LINGO2: variants seen among roughly 807,000 people sequenced by gnomAD.
LINGO2 encodes the protein leucine rich repeat and Ig domain containing 2, also known as leucine-rich repeat and immunoglobulin-like domain-containing nogo receptor-interacting protein 2.
A neutral mutation model predicts 30.6 loss-of-function variants in LINGO2; 14 were observed. The ratio of observed to expected loss-of-function variants is 0.46; its 90% CI spans 0.30 to 0.72. LINGO2 has a LOEUF of 0.72. Among genes scored for constraint, LINGO2 ranks in the 30% least tolerant of loss-of-function variants. The probability of loss-of-function intolerance (pLI) is 0.07; values close to 1 mark genes in which losing one functional copy is unlikely to be tolerated. For missense variants in LINGO2, 729 were observed against 751.7 expected, an observed-to-expected ratio of 0.97 and a Z score of 0.35; for synonymous variants, 317 against 288.5, an observed-to-expected ratio of 1.10 and a Z score of -1.00.
intron 2 of LINGO2, among the ~76,000 whole-genome samples, chr9:28,465,123 G>A (rs975424734): frequency 1.3e-5 from 2 of 152,294 alleles, no homozygotes; most frequent in East Asian, 3.9e-4. Context: ...GCTGTCTGTG[G>A]ATGGCTTAAG....
At chr9:28,786,274 T>A in the LINGO2 span, among the ~76,000 whole-genome samples, 6 of 152,286 alleles carry the variant, frequency 3.9e-5, no homozygotes, top group East Asian at 1.2e-3. Context: ...ACCTCCTTAA[T>A]TGCATTTTAG....
the LINGO2 span, among the ~76,000 whole-genome samples, chr9:29,072,611 T>TTATATATATATATATATATATATATATA: frequency 1.8e-3 from 257 of 140,222 alleles, 8 homozygotes; most frequent in East Asian, 7.0e-3. Flanking sequence ...TGTCTCTCTT[T>TTATATATATATATATATATATATATATA]GATATATATA....
intron 5 of LINGO2, among the ~76,000 whole-genome samples, chr9:27,990,438 A>G (rs1821336386): frequency 6.7e-6 from 1 of 148,378 alleles, no homozygotes; most frequent in South Asian, 2.2e-4. Context: ...TATCTGCAAA[A>G]AGCATCACTT....
At chr9:28,502,035 G>A (rs1819907961) in intron 1 of LINGO2, among the ~76,000 whole-genome samples, 1 of 151,478 alleles carries the variant, frequency 6.6e-6, no homozygotes, top group African/African-American at 2.4e-5. Flanking sequence ...AAGGGAGGAG[G>A]AAGTAATGGA....
intron 5 of LINGO2, among the ~76,000 whole-genome samples, chr9:27,972,212 T>C (rs1383394492): frequency 6.6e-6 from 1 of 152,216 alleles, no homozygotes; most frequent in Non-Finnish European, 1.5e-5. Flanking sequence ...TGAGGGCATC[T>C]AAGGATTTAT....
At chr9:29,135,040 A>G in the LINGO2 span, among the ~76,000 whole-genome samples, 1 of 152,152 alleles carries the variant, frequency 6.6e-6, no homozygotes, top group South Asian at 2.1e-4. Flanking sequence ...TTTTAAAACT[A>G]TACATGAAAG....
At chr9:28,012,705 T>G (rs1240674529) in intron 4 of LINGO2, among the ~76,000 whole-genome samples, 3 of 152,054 alleles carry the variant, frequency 2.0e-5, no homozygotes, top group African/African-American at 7.2e-5. Flanking sequence ...TCAGTTGGGG[T>G]TTGTAGCTTT....
intron 5 of LINGO2, among the ~76,000 whole-genome samples, chr9:27,964,152 A>G (rs1012707036): frequency 3.9e-5 from 6 of 152,244 alleles, no homozygotes; most frequent in Admixed American, 2.0e-4. Context: ...GAAACTTTCA[A>G]TATTGAGGTT....
chr9:29,174,281 T>C, the LINGO2 span, among the ~76,000 whole-genome samples: 574 of 152,326 alleles, frequency 3.8e-3, 3 homozygotes, highest in African/African-American at 0.013. Flanking sequence ...TCTCATCGTT[T>C]ATACTCCCTA....
exon 6 of LINGO2, chr9:27,949,927 G>A: frequency 6.2e-7 from 1 of 1,614,074 alleles, no homozygotes; most frequent in Non-Finnish European, 8.5e-7. Context: ...GTGAGGTTGA[G>A]ACCGTAGAGG....
intron 3 of LINGO2, among the ~76,000 whole-genome samples, chr9:28,316,240 T>A (rs1042942337): frequency 2.6e-5 from 4 of 151,884 alleles, no homozygotes; most frequent in Non-Finnish European, 4.4e-5. Flanking sequence ...GTACCAAAAC[T>A]TTTTTTTAAA....
the LINGO2 span, among the ~76,000 whole-genome samples, chr9:28,747,617 G>A: frequency 0.017 from 2,551 of 152,164 alleles, 89 homozygotes; most frequent in African/African-American, 0.058. Flanking sequence ...GCACCTGCCC[G>A]TCTGCATGCT....
chr9:28,467,846 A>G (rs913774889), intron 2 of LINGO2, among the ~76,000 whole-genome samples: 3 of 152,134 alleles, frequency 2.0e-5, no homozygotes, highest in Admixed American at 6.5e-5. Context: ...GTCAACATGA[A>G]TAACTAACTA....
the LINGO2 span, among the ~76,000 whole-genome samples, chr9:28,861,593 A>T: frequency 7.3e-5 from 11 of 151,266 alleles, no homozygotes; most frequent in Admixed American, 6.0e-4. Flanking sequence ...AAAATAAAAT[A>T]AAATAAAACA....
intron 1 of LINGO2, among the ~76,000 whole-genome samples, chr9:28,529,252 T>C (rs1302515231): frequency 6.6e-6 from 1 of 152,176 alleles, no homozygotes; most frequent in Non-Finnish European, 1.5e-5. Flanking sequence ...TATTAACATT[T>C]ATTTATCTGA....
intron 4 of LINGO2, among the ~76,000 whole-genome samples, chr9:28,180,722 T>C (rs1019193253): frequency 6.6e-6 from 1 of 152,110 alleles, no homozygotes; most frequent in African/African-American, 2.4e-5. Flanking sequence ...GAAGGAAGGT[T>C]GCCAGTTTAT....
At chr9:28,839,753 C>T in the LINGO2 span, among the ~76,000 whole-genome samples, 149 of 152,250 alleles carry the variant, frequency 9.8e-4, no homozygotes, top group African/African-American at 3.3e-3. Context: ...ACGTGGCAGT[C>T]CGCCCCCAAG....
chr9:28,177,140 G>C (rs1828772409), intron 4 of LINGO2, among the ~76,000 whole-genome samples: 1 of 152,178 alleles, frequency 6.6e-6, no homozygotes, highest in Admixed American at 6.6e-5. Flanking sequence ...CAACATGAAG[G>C]ATCTCTTCTG....
chr9:28,848,061 A>ATAGTGTG, the LINGO2 span, among the ~76,000 whole-genome samples: 1 of 49,736 alleles, frequency 2.0e-5, no homozygotes, highest in Non-Finnish European at 3.2e-5. Context: ...ATATATATAT[A>ATAGTGTG]TGTATATAAT....
Sources: gnomAD v4.1 joint callset for allele counts (sites outside exome capture counted in the v4.1 genomes callset) on GRCh38, gnomAD v4.1.1 for gene constraint, MANE v1.5 for transcripts, NCBI Gene and HGNC (gene_info 2026-07-23, HGNC 2026-07-21) for gene names.